Variants in FHIT observed in about 807,000 individuals in gnomAD.
FHIT encodes fragile histidine triad diadenosine triphosphatase, also known as bis(5'-adenosyl)-triphosphatase.
Under a neutral mutation model 17.9 loss-of-function variants are expected in FHIT, and 19 were observed. The observed-to-expected ratio is 1.06, with a 90% confidence interval of 0.74 to 1.56. The LOEUF (loss-of-function observed/expected upper bound fraction) is 1.56. Among genes scored for constraint, FHIT ranks in the 40% most tolerant of loss-of-function variants. The probability of loss-of-function intolerance (pLI) is 0.00; values close to 1 mark genes in which losing one functional copy is unlikely to be tolerated. For synonymous variants in FHIT, 81 were observed against 69.7 expected, an observed-to-expected ratio of 1.16 and a Z score of -0.81; for missense variants, 248 against 189.2, an observed-to-expected ratio of 1.31 and a Z score of -1.82.
At chr3:60,050,554 T>C (rs1473114250) in intron 5 of FHIT, among the ~76,000 whole-genome samples, 2 of 151,980 alleles carry the variant, frequency 1.3e-5, no homozygotes, top group African/African-American at 4.8e-5. Context: ...ATACTATATA[T>C]ATAATTTCAG....
chr3:59,950,166 A>G (rs981298864), intron 7 of FHIT, among the ~76,000 whole-genome samples: 4 of 152,224 alleles, frequency 2.6e-5, no homozygotes, highest in Non-Finnish European at 5.9e-5. Context: ...TCTAAAGATC[A>G]CATGCAATAA....
intron 5 of FHIT, among the ~76,000 whole-genome samples, chr3:60,463,632 A>G (rs566630621): frequency 4.3e-4 from 66 of 152,316 alleles, no homozygotes; most frequent in African/African-American, 1.5e-3. Context: ...TCAAACTGTA[A>G]TAAGGCATGA....
intron 5 of FHIT, among the ~76,000 whole-genome samples, chr3:60,160,254 T>G (rs888273903): frequency 6.6e-6 from 1 of 151,940 alleles, no homozygotes; most frequent in African/African-American, 2.4e-5. Flanking sequence ...CCCTAAAAAT[T>G]AGAGATTCCG....
intron 8 of FHIT, among the ~76,000 whole-genome samples, chr3:59,769,517 G>A (rs1021192013): frequency 6.6e-6 from 1 of 152,176 alleles, no homozygotes; most frequent in Non-Finnish European, 1.5e-5. Context: ...GAATGGAGTT[G>A]CCTTTGCCTC....
At chr3:60,880,497 C>T (rs1704912421) in intron 3 of FHIT, among the ~76,000 whole-genome samples, 1 of 152,160 alleles carries the variant, frequency 6.6e-6, no homozygotes, top group South Asian at 2.1e-4. Context: ...TTTTGGGAGT[C>T]CAAGGTGGGC....
chr3:61,123,935 C>G (rs564285740), intron 2 of FHIT, among the ~76,000 whole-genome samples: 4 of 152,124 alleles, frequency 2.6e-5, no homozygotes, highest in Non-Finnish European at 4.4e-5. Context: ...ATGTGAATAA[C>G]ATAGTATCAA....
intron 3 of FHIT, among the ~76,000 whole-genome samples, chr3:61,029,743 C>A (rs2032920262): frequency 6.6e-6 from 1 of 152,098 alleles, no homozygotes; most frequent in African/African-American, 2.4e-5. Flanking sequence ...TCTTTTGGGC[C>A]TACCAACTGT....
chr3:60,572,247 TACACACACAGAC>T (rs150088506), intron 4 of FHIT, among the ~76,000 whole-genome samples: 4,520 of 152,116 alleles, frequency 0.03, 116 homozygotes, highest in Non-Finnish European at 0.041. Flanking sequence ...TGCATGCATA[TACACACACAGAC>T]ACACACACAC....
chr3:60,713,650 C>T lies in FHIT; in HGVS notation c.-18+108269G>A, dbSNP rs1237127328. 2.8e-4 allele frequency among the ~76,000 whole-genome samples: 42 copies of T among 152,160 alleles called. 1 individual carries two copies. Among genetic ancestry groups the T allele is most frequent in the Non-Finnish European group, 3.4e-4 (23 of 68,030 alleles). On this transcript the variant is annotated intron_variant, in intron 4 of 9. Transcript: ENST00000492590. The stretch of plus-strand genomic sequence containing the variant: ...TACCATCAGAGAATACTATAAACAC[C>T]TCTATGCAAATAAACTAGAAAATCT...
rs535782831 is a variant in FHIT at position 60,001,883 on chromosome 3, C to T, written c.279+9488G>A. On this transcript the variant is annotated intron_variant, in intron 7 of 9. Transcript: ENST00000492590. ...ATTTATACCATTTACAACCAACAGA[C>T]GAATTTAAACGCAAATAAAAGCCCC... Among the ~76,000 whole-genome samples the T allele has an allele frequency of 1.9e-4, 29 of 152,166 alleles. No individual in the cohort carries two copies. The South Asian group carries it at 4.4e-3, about 23-fold the overall frequency.
At chr3:60,728,783 T>A (rs1004103961) in intron 4 of FHIT, among the ~76,000 whole-genome samples, 15 of 151,916 alleles carry the variant, frequency 9.9e-5, no homozygotes, top group African/African-American at 3.6e-4. Flanking sequence ...ATCAACAAAG[T>A]GTCATAGGTG....
chr3:60,150,331 G>T lies in FHIT; in HGVS notation c.104-136179C>A, dbSNP rs753316054. Among the ~76,000 whole-genome samples the T allele has an allele frequency of 1.4e-4, 21 of 152,084 alleles. No individual in the cohort carries two copies. In the East Asian group the frequency reaches 3.9e-3, roughly 28 times the overall value. On this transcript the variant is annotated intron_variant, in intron 5 of 9. Transcript: ENST00000492590. ...GCATTTAATGGGATGTTAGGAATACGGTACTGTAATTTCTCCTTGGGTATA... is the reference window on the plus strand; with the variant it reads ...GCATTTAATGGGATGTTAGGAATACTGTACTGTAATTTCTCCTTGGGTATA...
At chr3:59,821,497 A>G (rs2629893) in intron 8 of FHIT, among the ~76,000 whole-genome samples, 149,997 of 152,292 alleles carry the variant, frequency 0.98, 73,916 homozygotes, top group East Asian at 1. Flanking sequence ...CCCCTGGGAA[A>G]TGCAATATGA....
At chr3:60,016,085 G>T (rs1407028197) in intron 5 of FHIT, among the ~76,000 whole-genome samples, 2 of 152,106 alleles carry the variant, frequency 1.3e-5, no homozygotes, top group Non-Finnish European at 2.9e-5. Flanking sequence ...TTATACATAG[G>T]CTATGAAGAC....
chr3:60,857,930 AG>A (rs1196619707), intron 3 of FHIT, among the ~76,000 whole-genome samples: 1 of 152,232 alleles, frequency 6.6e-6, no homozygotes, highest in Non-Finnish European at 1.5e-5. Context: ...ATCTCTTAAA[AG>A]GAAAAATAAA....
At position 59,788,881 on chromosome 3, in the gene FHIT, G is replaced by GTTTTTTTTTTTTTTTTTTTTTTTT. The variant is rs60361063; in HGVS notation, c.349-36561_349-36560insAAAAAAAAAAAAAAAAAAAAAAAA. On this transcript the variant is annotated intron_variant, in intron 8 of 9. Transcript: ENST00000492590. ...ACCACGTTCTTTGCTGAGTTCATAT[G>GTTTTTTTTTTTTTTTTTTTTTTTT]TTTTTTTTTTTTACCCCATCTCCAA... 1.8e-3 allele frequency among the ~76,000 whole-genome samples: 157 copies of GTTTTTTTTTTTTTTTTTTTTTTTT among 86,828 alleles called. 54 individuals carry two copies. Among genetic ancestry groups the GTTTTTTTTTTTTTTTTTTTTTTTT allele is most frequent in the Middle Eastern group, 0.01 (1 of 98 alleles). The allele number at this position is 86,828 out of a possible 152,430, so 57.0% of individuals were successfully genotyped here.
Position 61,122,147 on chromosome 3 carries a change from C to CA in FHIT, c.-164+78469dup, listed in dbSNP as rs2036476915. On this transcript the variant is annotated intron_variant, in intron 2 of 9. Transcript: ENST00000492590. ...AACCAAAACAGCATGGTACTGGTAC[C>CA]AAAACAGAGATATAGACCAATGGAA... Among the ~76,000 whole-genome samples the CA allele has an allele frequency of 5.3e-5, 8 of 152,166 alleles. No individual in the cohort carries two copies. In the South Asian group the frequency reaches 1.7e-3, roughly 32 times the overall value.
chr3:60,027,137 ACACAC>A (rs1200814519), intron 5 of FHIT, among the ~76,000 whole-genome samples: 4,692 of 116,144 alleles, frequency 0.04, 172 homozygotes, highest in Middle Eastern at 0.065. Context: ...ACACACACAC[ACACAC>A]ACACACAAAA....
chr3:61,174,358 G>A (rs1038142995), intron 2 of FHIT, among the ~76,000 whole-genome samples: 7 of 152,198 alleles, frequency 4.6e-5, no homozygotes, highest in Non-Finnish European at 8.8e-5. Flanking sequence ...CAATGCTGAG[G>A]AAAGAGACAT....
Sources: gnomAD v4.1 joint callset for allele counts (sites outside exome capture counted in the v4.1 genomes callset) on GRCh38, gnomAD v4.1.1 for gene constraint, MANE v1.5 for transcripts, NCBI Gene and HGNC (gene_info 2026-07-23, HGNC 2026-07-21) for gene names.